The following CFAP210 variants were observed in gnomAD, a reference collection of about 807,000 sequenced individuals.
CFAP210 encodes cilia and flagella associated protein 210.
chr2:169,654,273 C>A, the CFAP210 span: 6 of 1,403,990 alleles, frequency 4.3e-6, no homozygotes, highest in Non-Finnish European at 5.7e-6. Context: ...TTCAACATAT[C>A]AGTAGCTAAC....
chr2:169,661,494 T>A, the CFAP210 span: 2 of 254,230 alleles, frequency 7.9e-6, no homozygotes, highest in African/African-American at 4.5e-5. Context: ...GCCCCAGGCC[T>A]GGAGCTAGAG....
chr2:169,669,257 C>A, the CFAP210 span, among the ~76,000 whole-genome samples: 1 of 152,014 alleles, frequency 6.6e-6, no homozygotes, highest in African/African-American at 2.4e-5. Flanking sequence ...CCTGGAAGAT[C>A]AGTATAATGG....
the CFAP210 span, among the ~76,000 whole-genome samples, chr2:169,670,986 A>G: frequency 6.6e-6 from 1 of 152,224 alleles, no homozygotes; most frequent in African/African-American, 2.4e-5. Context: ...GGGCATGCAA[A>G]AAGAGACTTG....
the CFAP210 span, among the ~76,000 whole-genome samples, chr2:169,668,291 T>C: frequency 3.3e-5 from 5 of 152,224 alleles, no homozygotes; most frequent in Non-Finnish European, 7.3e-5. Flanking sequence ...AGGACCTCAT[T>C]CTGGATTAGG....
At chr2:169,672,260 T>C in the CFAP210 span, among the ~76,000 whole-genome samples, 1 of 152,218 alleles carries the variant, frequency 6.6e-6, no homozygotes, top group African/African-American at 2.4e-5. Flanking sequence ...TTATTAAATT[T>C]AAGCTGTAGG....
the CFAP210 span, among the ~76,000 whole-genome samples, chr2:169,666,965 T>G: frequency 6.6e-6 from 1 of 152,128 alleles, no homozygotes; most frequent in Non-Finnish European, 1.5e-5. Context: ...ACTCACATCT[T>G]CAGGCTCCAC....
At chr2:169,658,096 A>G in the CFAP210 span, 6 of 152,232 alleles carry the variant, frequency 3.9e-5, no homozygotes, top group African/African-American at 1.4e-4. Context: ...AGAAAAAGAC[A>G]TAAGCTTCAG....
chr2:169,650,133 A>T, the CFAP210 span, among the ~76,000 whole-genome samples: 1 of 152,198 alleles, frequency 6.6e-6, no homozygotes, highest in African/African-American at 2.4e-5. Flanking sequence ...ATCTATAAAT[A>T]TCTTTTTTGT....
At chr2:169,691,134 C>A in the CFAP210 span, among the ~76,000 whole-genome samples, 1 of 152,084 alleles carries the variant, frequency 6.6e-6, no homozygotes, top group African/African-American at 2.4e-5. Context: ...ACTGAATAAT[C>A]TCAATTGACT....
At chr2:169,694,078 T>C in the CFAP210 span, among the ~76,000 whole-genome samples, 1 of 152,162 alleles carries the variant, frequency 6.6e-6, no homozygotes, top group East Asian at 1.9e-4. Flanking sequence ...CCTTCACCCA[T>C]TCACCTGAGG....
the CFAP210 span, among the ~76,000 whole-genome samples, chr2:169,681,747 T>C: frequency 2.0e-5 from 3 of 152,248 alleles, no homozygotes; most frequent in African/African-American, 7.2e-5. Context: ...TGTATCTCCA[T>C]TGTCAATCAT....
At chr2:169,645,741 G>T in the CFAP210 span, 1 of 751,810 alleles carries the variant, frequency 1.3e-6, no homozygotes, top group Non-Finnish European at 2.1e-6. Flanking sequence ...AGACATAATT[G>T]TACTTAGATG....
At chr2:169,682,921 C>T in the CFAP210 span, among the ~76,000 whole-genome samples, 3 of 152,068 alleles carry the variant, frequency 2.0e-5, no homozygotes, top group African/African-American at 7.2e-5. Flanking sequence ...TTAAGACTAG[C>T]GCCTGGTACA....
At chr2:169,686,034 GTCTC>G in the CFAP210 span, among the ~76,000 whole-genome samples, 1 of 151,974 alleles carries the variant, frequency 6.6e-6, no homozygotes, top group Non-Finnish European at 1.5e-5. Flanking sequence ...TAGAAACAGG[GTCTC>G]TCTATGTAGC....
At chr2:169,648,320 G>GT in the CFAP210 span, 2 of 170,858 alleles carry the variant, frequency 1.2e-5, no homozygotes, top group Non-Finnish European at 2.6e-5. Context: ...GGGAGTTACT[G>GT]TTTAACATGT....
At chr2:169,669,618 T>G in the CFAP210 span, among the ~76,000 whole-genome samples, 59 of 151,998 alleles carry the variant, frequency 3.9e-4, no homozygotes, top group South Asian at 0.012. Context: ...AGATCTGATG[T>G]GGAAGATAAA....
At chr2:169,686,548 GTC>G in the CFAP210 span, among the ~76,000 whole-genome samples, 1 of 152,204 alleles carries the variant, frequency 6.6e-6, no homozygotes, top group Non-Finnish European at 1.5e-5. Context: ...TGCTGGTAAG[GTC>G]TCTCTGCAGA....
the CFAP210 span, among the ~76,000 whole-genome samples, chr2:169,647,192 C>A: frequency 9.9e-5 from 15 of 151,258 alleles, no homozygotes; most frequent in East Asian, 1.4e-3. Context: ...GAGAAAAAGT[C>A]AAAAAAAAGC....
chr2:169,656,498 GGGA>G, the CFAP210 span, among the ~76,000 whole-genome samples: 25,314 of 149,816 alleles, frequency 0.17, 2,187 homozygotes, highest in Middle Eastern at 0.22. Flanking sequence ...AAGGAGGTGC[GGGA>G]GGAGGAGGAG....
Sources: allele counts gnomAD v4.1 joint callset (sites outside exome capture counted in the v4.1 genomes callset), GRCh38; gene constraint gnomAD v4.1.1; transcripts MANE v1.5; gene names NCBI Gene and HGNC (gene_info 2026-07-23, HGNC 2026-07-21).